Variants in TSHZ2 observed in about 807,000 individuals in gnomAD.
TSHZ2 encodes the protein teashirt homolog 2.
Under a neutral mutation model 74.4 loss-of-function variants are expected in TSHZ2, and 21 were observed. The observed-to-expected ratio is 0.28, with a 90% CI of 0.20 to 0.41. The LOEUF (loss-of-function observed/expected upper bound fraction) is 0.41, where lower values mean the gene tolerates loss of function less well. TSHZ2 is among the 10% of genes least tolerant of loss of function. The pLI is 1.00. For synonymous variants in TSHZ2, 540 were observed against 515.3 expected, an observed-to-expected ratio of 1.05 and a Z score of -0.65; for missense variants, 1,244 against 1,293.5, an observed-to-expected ratio of 0.96 and a Z score of 0.59.
At chr20:53,136,512 AT>A (rs1419603624) in intron 1 of TSHZ2, among the ~76,000 whole-genome samples, 2 of 152,140 alleles carry the variant, frequency 1.3e-5, no homozygotes, top group Non-Finnish European at 2.9e-5. Context: ...CTGTATTTCA[AT>A]ATTTTATTAC....
chr20:53,357,844 A>G (rs1980902153), intron 2 of TSHZ2, among the ~76,000 whole-genome samples: 1 of 152,214 alleles, frequency 6.6e-6, no homozygotes, highest in Non-Finnish European at 1.5e-5. Context: ...GTGTGACCCC[A>G]CAAGGAGACC....
At chr20:53,273,165 A>G (rs1364882207) in intron 2 of TSHZ2, among the ~76,000 whole-genome samples, 2 of 152,270 alleles carry the variant, frequency 1.3e-5, no homozygotes, top group Non-Finnish European at 2.9e-5. Context: ...TTTGTAGAAC[A>G]TGCTAAGAAC....
chr20:53,357,491 G>A (rs999549246), intron 2 of TSHZ2, among the ~76,000 whole-genome samples: 10 of 151,648 alleles, frequency 6.6e-5, no homozygotes, highest in Non-Finnish European at 1.3e-4. Context: ...TTAGTGAGAC[G>A]CTGTCTCTAT....
chr20:53,347,509 A>T (rs1980483440), intron 2 of TSHZ2, among the ~76,000 whole-genome samples: 1 of 152,032 alleles, frequency 6.6e-6, no homozygotes, highest in South Asian at 2.1e-4. Flanking sequence ...CCAACTCCTT[A>T]TTCAACTTCT....
At chr20:53,302,903 A>G (rs1353006837) in intron 2 of TSHZ2, among the ~76,000 whole-genome samples, 1 of 151,936 alleles carries the variant, frequency 6.6e-6, no homozygotes, top group Non-Finnish European at 1.5e-5. Context: ...TGGAAACCAC[A>G]CCCTCCACGG....
chr20:53,022,259 C>T (rs1042442333), intron 1 of TSHZ2, among the ~76,000 whole-genome samples: 2 of 152,204 alleles, frequency 1.3e-5, no homozygotes, highest in African/African-American at 2.4e-5. Context: ...CGTGGAGTCC[C>T]TTACATAAGG....
At chr20:53,379,618 T>C (rs1981786891) in intron 2 of TSHZ2, among the ~76,000 whole-genome samples, 1 of 152,142 alleles carries the variant, frequency 6.6e-6, no homozygotes, top group Non-Finnish European at 1.5e-5. Flanking sequence ...GGGATGTCTT[T>C]GCCAAGCGAA....
intron 1 of TSHZ2, chr20:53,168,882 C>A (rs766945828): frequency 6.6e-6 from 1 of 152,110 alleles, no homozygotes; most frequent in South Asian, 2.1e-4. Flanking sequence ...TAGGATTTGG[C>A]AAACAGGTGG....
intron 1 of TSHZ2, among the ~76,000 whole-genome samples, chr20:53,053,119 C>T (rs914964361): frequency 6.6e-6 from 1 of 152,268 alleles, no homozygotes; most frequent in South Asian, 2.1e-4. Flanking sequence ...TGTTTGGGGC[C>T]TTTCATATAC....
chr20:53,122,557 T>C (rs1986840698), intron 1 of TSHZ2, among the ~76,000 whole-genome samples: 1 of 152,152 alleles, frequency 6.6e-6, no homozygotes. Context: ...ATCTAGAAAG[T>C]ACTCCAGCCC....
chr20:53,117,580 A>C (rs1304675551), intron 1 of TSHZ2, among the ~76,000 whole-genome samples: 1 of 152,220 alleles, frequency 6.6e-6, no homozygotes, highest in African/African-American at 2.4e-5. Flanking sequence ...AGAAGGAAGC[A>C]GTTCTAGATT....
chr20:53,267,125 A>G (rs989195887), intron 2 of TSHZ2, among the ~76,000 whole-genome samples: 2 of 152,168 alleles, frequency 1.3e-5, no homozygotes, highest in Non-Finnish European at 2.9e-5. Flanking sequence ...TGGCACTGGT[A>G]AGAGTACCAC....
At chr20:53,308,970 A>C (rs1355598) in intron 2 of TSHZ2, among the ~76,000 whole-genome samples, 89,199 of 152,098 alleles carry the variant, frequency 0.59, 27,155 homozygotes, top group Non-Finnish European at 0.66. Flanking sequence ...CGGTTTTAAC[A>C]ATGACAGAGA....
At chr20:53,359,794 G>A (rs1056813105) in intron 2 of TSHZ2, among the ~76,000 whole-genome samples, 9 of 152,202 alleles carry the variant, frequency 5.9e-5, no homozygotes, top group African/African-American at 9.7e-5. Flanking sequence ...GAGTCAGACC[G>A]TGGAGGGCTT....
intron 1 of TSHZ2, among the ~76,000 whole-genome samples, chr20:53,075,568 G>C (rs888239029): frequency 6.6e-6 from 1 of 152,174 alleles, no homozygotes; most frequent in Non-Finnish European, 1.5e-5. Flanking sequence ...GGAGAAGCAA[G>C]TGCAAAAGCC....
intron 2 of TSHZ2, among the ~76,000 whole-genome samples, chr20:53,283,113 A>G (rs1185795144): frequency 6.6e-6 from 1 of 152,212 alleles, no homozygotes; most frequent in African/African-American, 2.4e-5. Context: ...TTATCTCATT[A>G]TTCCCTTCCC....
chr20:53,159,344 T>C (rs1434433323), intron 1 of TSHZ2, among the ~76,000 whole-genome samples: 4 of 152,222 alleles, frequency 2.6e-5, no homozygotes, highest in Admixed American at 2.0e-4. Context: ...AAATAAAGTT[T>C]TATTGGCACA....
chr20:53,115,619 A>C (rs6022285), intron 1 of TSHZ2, among the ~76,000 whole-genome samples: 5,963 of 152,262 alleles, frequency 0.039, 200 homozygotes, highest in African/African-American at 0.091. Flanking sequence ...CATGACAAAA[A>C]TAAGTAAATA....
chr20:53,182,991 T>C (rs1988518458), intron 1 of TSHZ2, among the ~76,000 whole-genome samples: 2 of 152,224 alleles, frequency 1.3e-5, no homozygotes, highest in African/African-American at 4.8e-5. Context: ...ACAAGTGGCC[T>C]GTTCTCCCCA....
Sources: gnomAD v4.1 joint callset for allele counts (sites outside exome capture counted in the v4.1 genomes callset) on GRCh38, gnomAD v4.1.1 for gene constraint, MANE v1.5 for transcripts, NCBI Gene and HGNC (gene_info 2026-07-23, HGNC 2026-07-21) for gene names.